The following QTMAN variants were observed in gnomAD, a reference collection of about 807,000 sequenced individuals.
The protein encoded by QTMAN is queuosine-tRNA mannosyltransferase.
the QTMAN span, among the ~76,000 whole-genome samples, chr2:144,148,394 G>A: frequency 6.6e-6 from 1 of 151,798 alleles, no homozygotes; most frequent in East Asian, 1.9e-4. Flanking sequence ...AGCTTCAGGG[G>A]ATGGGGAGAG....
At chr2:144,238,875 AT>A in the QTMAN span, among the ~76,000 whole-genome samples, 1 of 152,086 alleles carries the variant, frequency 6.6e-6, no homozygotes, top group South Asian at 2.1e-4. Flanking sequence ...CCAATTACTT[AT>A]TCTCATTCCT....
the QTMAN span, among the ~76,000 whole-genome samples, chr2:144,014,306 G>C: frequency 5.9e-5 from 9 of 152,146 alleles, no homozygotes; most frequent in Non-Finnish European, 1.2e-4. Context: ...CAAATGCTCT[G>C]GGGGAATACC....
chr2:144,024,096 T>A, the QTMAN span, among the ~76,000 whole-genome samples: 1 of 152,248 alleles, frequency 6.6e-6, no homozygotes, highest in Admixed American at 6.5e-5. Context: ...GGCCCTGCAG[T>A]AAACTGCTGA....
At chr2:143,939,608 C>T in the QTMAN span, 1 of 152,084 alleles carries the variant, frequency 6.6e-6, no homozygotes, top group Non-Finnish European at 1.5e-5. Flanking sequence ...ATTATATGGT[C>T]CTCTTTTCTT....
the QTMAN span, among the ~76,000 whole-genome samples, chr2:144,295,696 T>C: frequency 6.6e-6 from 1 of 152,116 alleles, no homozygotes; most frequent in African/African-American, 2.4e-5. Flanking sequence ...CACTGCAGCC[T>C]CAATCTCCAT....
At chr2:144,263,890 C>A in the QTMAN span, among the ~76,000 whole-genome samples, 1 of 151,844 alleles carries the variant, frequency 6.6e-6, no homozygotes, top group Non-Finnish European at 1.5e-5. Context: ...GACAAGCTAC[C>A]TAGAGAGAAA....
chr2:144,043,229 G>C, the QTMAN span, among the ~76,000 whole-genome samples: 1 of 108,992 alleles, frequency 9.2e-6, no homozygotes, highest in Non-Finnish European at 2.3e-5. Flanking sequence ...GTGTGAATTT[G>C]TGTGTGTGTG....
chr2:144,256,307 G>A, the QTMAN span, among the ~76,000 whole-genome samples: 54 of 152,048 alleles, frequency 3.6e-4, no homozygotes, highest in African/African-American at 1.0e-3. Context: ...TTACAATGAC[G>A]GTTTCAAAAG....
the QTMAN span, among the ~76,000 whole-genome samples, chr2:144,035,545 T>C: frequency 2.6e-5 from 4 of 152,220 alleles, no homozygotes; most frequent in Admixed American, 1.3e-4. Flanking sequence ...AAAAAGACCA[T>C]AGTTATTTTA....
At chr2:144,246,130 G>T in the QTMAN span, among the ~76,000 whole-genome samples, 3 of 152,136 alleles carry the variant, frequency 2.0e-5, no homozygotes, top group African/African-American at 7.2e-5. Context: ...ATAAAAATGT[G>T]TGTGTACATA....
At chr2:144,169,773 T>C in the QTMAN span, among the ~76,000 whole-genome samples, 8 of 152,196 alleles carry the variant, frequency 5.3e-5, no homozygotes, top group East Asian at 1.5e-3. Context: ...CTCAAGATTA[T>C]ATACAATATC....
chr2:144,046,874 C>A, the QTMAN span, among the ~76,000 whole-genome samples: 5 of 152,272 alleles, frequency 3.3e-5, 1 homozygote, highest in South Asian at 1.0e-3. Flanking sequence ...ATAATTTGTT[C>A]AGAAAACCAC....
At chr2:144,220,923 T>C in the QTMAN span, among the ~76,000 whole-genome samples, 1 of 152,210 alleles carries the variant, frequency 6.6e-6, no homozygotes, top group Non-Finnish European at 1.5e-5. Flanking sequence ...GTTTCCAAAC[T>C]TCACTTGCAA....
chr2:143,979,939 G>T, the QTMAN span, among the ~76,000 whole-genome samples: 3 of 151,970 alleles, frequency 2.0e-5, no homozygotes, highest in African/African-American at 7.3e-5. Flanking sequence ...TCTTAGCGAG[G>T]CCTCTTTTTT....
At chr2:144,248,581 G>A in the QTMAN span, among the ~76,000 whole-genome samples, 1 of 152,120 alleles carries the variant, frequency 6.6e-6, no homozygotes, top group African/African-American at 2.4e-5. Flanking sequence ...TTGTATCGCA[G>A]GTAACTGTTT....
chr2:144,277,351 C>T, the QTMAN span, among the ~76,000 whole-genome samples: 1 of 151,988 alleles, frequency 6.6e-6, no homozygotes, highest in African/African-American at 2.4e-5. Flanking sequence ...CCCAACTCCA[C>T]CCCCACCATA....
the QTMAN span, among the ~76,000 whole-genome samples, chr2:144,056,813 T>C: frequency 6.6e-6 from 1 of 152,124 alleles, no homozygotes; most frequent in Admixed American, 6.5e-5. Flanking sequence ...TGAGAATCTA[T>C]AAAAAACAAG....
the QTMAN span, among the ~76,000 whole-genome samples, chr2:144,289,994 A>G: frequency 6.6e-6 from 1 of 152,222 alleles, no homozygotes; most frequent in African/African-American, 2.4e-5. Context: ...CTCTTGCACC[A>G]ATCACCAAGT....
chr2:144,314,451 G>A, the QTMAN span, among the ~76,000 whole-genome samples: 1 of 152,172 alleles, frequency 6.6e-6, no homozygotes, highest in South Asian at 2.1e-4. Context: ...AGTGGCTGAA[G>A]CCTGTAATCC....
Sources: allele counts gnomAD v4.1 joint callset (sites outside exome capture counted in the v4.1 genomes callset), GRCh38; gene constraint gnomAD v4.1.1; transcripts MANE v1.5; gene names NCBI Gene and HGNC (gene_info 2026-07-23, HGNC 2026-07-21).